Variants in LIN28B observed in about 807,000 individuals in gnomAD.
LIN28B encodes the protein lin-28 RNA binding posttranscriptional regulator B.
LIN28B carries 5 observed loss-of-function variants against 21.9 expected under a neutral mutation model. The observed-to-expected ratio is 0.23, with a 90% confidence interval of 0.12 to 0.48. LIN28B has a LOEUF of 0.48. LIN28B is among the 20% of genes least tolerant of loss of function. The pLI is 0.98. For missense variants in LIN28B, 245 were observed against 310.5 expected, an observed-to-expected ratio of 0.79 and a Z score of 1.58; for synonymous variants, 109 against 111.3, an observed-to-expected ratio of 0.98 and a Z score of 0.13.
chr6:104,968,684 T>C (rs879487295), intron 2 of LIN28B, among the ~76,000 whole-genome samples: 1 of 152,214 alleles, frequency 6.6e-6, no homozygotes, highest in Non-Finnish European at 1.5e-5. Context: ...GATTTGTTGG[T>C]GATCATTTTC....
chr6:105,008,592 C>T (rs920278960), intron 2 of LIN28B, among the ~76,000 whole-genome samples: 3 of 149,268 alleles, frequency 2.0e-5, no homozygotes, highest in East Asian at 2.0e-4. Context: ...TGCAGTGAGC[C>T]GAGATTGTGC....
intron 3 of LIN28B, among the ~76,000 whole-genome samples, chr6:105,036,850 G>A (rs1562101279): frequency 6.6e-6 from 1 of 152,176 alleles, no homozygotes; most frequent in Non-Finnish European, 1.5e-5. Context: ...GGTGAAATTA[G>A]ATCATATATT....
At chr6:105,012,809 T>G (rs554065753) in intron 2 of LIN28B, among the ~76,000 whole-genome samples, 71 of 152,294 alleles carry the variant, frequency 4.7e-4, no homozygotes, top group Admixed American at 1.5e-3. Context: ...GAACATGTGT[T>G]TTAATTTCTC....
At chr6:105,043,932 T>C (rs1463813588) in intron 3 of LIN28B, among the ~76,000 whole-genome samples, 3 of 152,156 alleles carry the variant, frequency 2.0e-5, no homozygotes, top group Admixed American at 6.5e-5. Context: ...TTCAATATAT[T>C]CATGGTTTTC....
chr6:105,016,447 T>G (rs1438793810), intron 2 of LIN28B, among the ~76,000 whole-genome samples: 1 of 152,186 alleles, frequency 6.6e-6, no homozygotes, highest in African/African-American at 2.4e-5. Flanking sequence ...GAGGGACATT[T>G]GAAATATTCC....
chr6:104,971,408 A>G (rs541058517), intron 2 of LIN28B, among the ~76,000 whole-genome samples: 5 of 152,318 alleles, frequency 3.3e-5, no homozygotes, highest in Admixed American at 2.0e-4. Context: ...TATCAGTCCA[A>G]GATAACTTTT....
At chr6:105,037,138 A>G (rs73771341) in intron 3 of LIN28B, among the ~76,000 whole-genome samples, 3,757 of 152,280 alleles carry the variant, frequency 0.025, 176 homozygotes, top group African/African-American at 0.087. Context: ...GAGCTGATCA[A>G]GATGAAGACT....
chr6:104,999,182 G>A (rs912058062), intron 2 of LIN28B, among the ~76,000 whole-genome samples: 1 of 148,590 alleles, frequency 6.7e-6, no homozygotes, highest in African/African-American at 2.6e-5. Context: ...TTTTGAGGTG[G>A]GGGCTAGAGT....
chr6:104,945,207 A>T (rs546174472), intron 2 of LIN28B, among the ~76,000 whole-genome samples: 2 of 152,218 alleles, frequency 1.3e-5, no homozygotes, highest in Admixed American at 6.5e-5. Context: ...TTAGTCTGTT[A>T]TAATCTCCTC....
At chr6:105,046,999 T>C (rs1259789260) in intron 3 of LIN28B, among the ~76,000 whole-genome samples, 1 of 152,204 alleles carries the variant, frequency 6.6e-6, no homozygotes, top group Non-Finnish European at 1.5e-5. Context: ...TTTCTTTTGC[T>C]GTGCAGAAGC....
chr6:104,980,012 CAT>C (rs1202726483), intron 2 of LIN28B, among the ~76,000 whole-genome samples: 3 of 152,078 alleles, frequency 2.0e-5, no homozygotes, highest in Non-Finnish European at 2.9e-5. Context: ...ACATGAGAAA[CAT>C]AGAAAGGATT....
At chr6:105,020,330 C>T (rs1241610125) in intron 2 of LIN28B, among the ~76,000 whole-genome samples, 1 of 149,640 alleles carries the variant, frequency 6.7e-6, no homozygotes, top group African/African-American at 2.5e-5. Flanking sequence ...AAGAGGAAAG[C>T]AAATACAGCA....
intron 2 of LIN28B, among the ~76,000 whole-genome samples, chr6:105,002,545 T>G (rs187501367): frequency 5.3e-4 from 81 of 152,290 alleles, no homozygotes; most frequent in Admixed American, 2.2e-3. Context: ...ACTCCACAGT[T>G]GCAAGAACAG....
chr6:105,018,054 C>T (rs1358742766), intron 2 of LIN28B, among the ~76,000 whole-genome samples: 1 of 152,148 alleles, frequency 6.6e-6, no homozygotes, highest in Admixed American at 6.5e-5. Context: ...AGGAGGATTG[C>T]TTGAAGCCAG....
intron 2 of LIN28B, among the ~76,000 whole-genome samples, chr6:104,947,081 T>C (rs547729533): frequency 6.6e-6 from 1 of 152,272 alleles, no homozygotes; most frequent in African/African-American, 2.4e-5. Context: ...TAGTAATTTA[T>C]TTTTATTTAT....
At chr6:104,978,380 GC>G (rs1484636242) in intron 2 of LIN28B, among the ~76,000 whole-genome samples, 3 of 152,120 alleles carry the variant, frequency 2.0e-5, no homozygotes, top group Non-Finnish European at 4.4e-5. Flanking sequence ...ACTAGTAGAG[GC>G]CTTGAAATGG....
At chr6:105,033,534 A>G (rs1771466258) in intron 3 of LIN28B, among the ~76,000 whole-genome samples, 1 of 152,046 alleles carries the variant, frequency 6.6e-6, no homozygotes, top group Admixed American at 6.6e-5. Context: ...CTGGTTACTC[A>G]AGGTAGTAAA....
At chr6:105,015,317 T>A (rs1172765809) in intron 2 of LIN28B, among the ~76,000 whole-genome samples, 1 of 152,202 alleles carries the variant, frequency 6.6e-6, no homozygotes, top group Admixed American at 6.5e-5. Flanking sequence ...TATCTTAAAG[T>A]CTACTTTTAG....
chr6:105,006,763 C>G (rs992384862), intron 2 of LIN28B, among the ~76,000 whole-genome samples: 2 of 152,212 alleles, frequency 1.3e-5, no homozygotes, highest in East Asian at 1.9e-4. Context: ...GATCTTGAAA[C>G]TTGCTTCCAT....
Sources: allele counts gnomAD v4.1 joint callset (sites outside exome capture counted in the v4.1 genomes callset), GRCh38; gene constraint gnomAD v4.1.1; transcripts MANE v1.5; gene names NCBI Gene and HGNC (gene_info 2026-07-23, HGNC 2026-07-21).